Variants in MECR observed in about 807,000 individuals in gnomAD.
The protein encoded by MECR is mitochondrial trans-2-enoyl-CoA reductase, also known as enoyl-[acyl-carrier-protein] reductase, mitochondrial.
In MECR, 37 loss-of-function variants were observed where a neutral mutation model predicts 49.1. That is an observed-to-expected ratio of 0.75 (90% CI 0.58 to 0.99). The LOEUF (loss-of-function observed/expected upper bound fraction) is 0.99, where lower values mean the gene tolerates loss of function less well. Among genes scored for constraint, MECR ranks in the 50% least tolerant of loss-of-function variants. The probability of loss-of-function intolerance (pLI) is 0.00; values close to 1 mark genes in which losing one functional copy is unlikely to be tolerated. For missense variants in MECR, 470 were observed against 479.6 expected (o/e 0.98, Z 0.19); for synonymous variants, 198 against 191.1 (o/e 1.04, Z -0.30).
the MECR span, among the ~76,000 whole-genome samples, chr1:29,185,925 G>A: frequency 5.3e-3 from 805 of 152,250 alleles, 9 homozygotes; most frequent in African/African-American, 0.019. Flanking sequence ...GGTTGAGGCT[G>A]CAGTGATCTG....
At chr1:29,217,428 G>A (rs1230419805) in intron 1 of MECR, among the ~76,000 whole-genome samples, 2 of 151,856 alleles carry the variant, frequency 1.3e-5, no homozygotes, top group African/African-American at 2.4e-5. Context: ...TGTTGGCCAG[G>A]CTGGTCTTGA....
rs1016896527 is a variant in MECR at position 29,211,847 on chromosome 1, G to A, written c.406+4158C>T. 2.6e-5 allele frequency among the ~76,000 whole-genome samples: 4 copies of A among 152,194 alleles called. No homozygotes were observed. The East Asian group carries it at 5.8e-4, about 22-fold the overall frequency. On this transcript the variant is annotated intron_variant, in intron 3 of 9. Coordinates refer to ENST00000263702, the MANE Select transcript of MECR (RefSeq NM_016011.5). The stretch of plus-strand genomic sequence containing the variant: ...TGGTCTCCCCTGGGATTGGCTGCAC[G>A]TGGGAAAAGGCTGGCTATGGGCTTA...
At chr1:29,217,934 G>C (rs1679881644) in intron 1 of MECR, among the ~76,000 whole-genome samples, 1 of 152,190 alleles carries the variant, frequency 6.6e-6, no homozygotes, top group Middle Eastern at 3.2e-3. Context: ...CTGGGTGGAG[G>C]GCTGAAGGTC....
the MECR span, among the ~76,000 whole-genome samples, chr1:29,187,359 T>C: frequency 6.6e-6 from 1 of 150,510 alleles, no homozygotes; most frequent in South Asian, 2.1e-4. Context: ...ACTACAGGCA[T>C]GAGCCACCAT....
chr1:29,182,277 T>G, the MECR span, among the ~76,000 whole-genome samples: 1 of 152,292 alleles, frequency 6.6e-6, no homozygotes, highest in East Asian at 1.9e-4. Context: ...GACCTTGGGC[T>G]TGTTACGCGC....
downstream of MECR, among the ~76,000 whole-genome samples, chr1:29,188,235 G>A (rs1024446532): frequency 6.6e-6 from 1 of 151,574 alleles, no homozygotes; most frequent in African/African-American, 2.4e-5. Flanking sequence ...TGTTGCCCAG[G>A]CTGGAATGCA....
At chr1:29,175,238 C>A in the MECR span, among the ~76,000 whole-genome samples, 1 of 150,372 alleles carries the variant, frequency 6.7e-6, no homozygotes, top group Non-Finnish European at 1.5e-5. Flanking sequence ...CGTGGTGAAA[C>A]CCCGTTTCTA....
intron 3 of MECR, among the ~76,000 whole-genome samples, chr1:29,215,188 G>A (rs1261997410): frequency 1.3e-5 from 2 of 152,246 alleles, no homozygotes; most frequent in East Asian, 3.9e-4. Flanking sequence ...CTCTGCTGAG[G>A]CTACAATGGA....
the MECR span, among the ~76,000 whole-genome samples, chr1:29,182,936 G>A: frequency 2.0e-5 from 3 of 152,230 alleles, no homozygotes; most frequent in African/African-American, 7.2e-5. Context: ...GTATGTGAAA[G>A]TACTTGGAAC....
At position 29,203,004 on chromosome 1, in the gene MECR, T is replaced by C. The variant is rs1237456148; in HGVS notation, c.653+127A>G. The C allele has an allele frequency of 1.5e-5, 10 of 674,360 alleles. No homozygotes were observed. The Admixed American group carries it at 3.1e-4, about 21-fold the overall frequency. The allele number at this position is 674,360 out of a possible 1,614,324, so 41.8% of individuals were successfully genotyped here. ...CTCATCTGTTTCAGCCGCCAACTGT[T>C]AGCGATGCCTAAAGCCAGTTTATGC... On this transcript the variant is annotated intron_variant, in intron 5 of 9. Coordinates refer to ENST00000263702, the MANE Select transcript of MECR (RefSeq NM_016011.5).
At chr1:29,206,655 C>T in intron 4 of MECR, 107 bp downstream of exon 4, 11 of 1,296,018 alleles carry the variant, frequency 8.5e-6, no homozygotes, top group Non-Finnish European at 1.2e-5. Flanking sequence ...GGTCCATCAC[C>T]CCCTCAAAAC....
chr1:29,168,416 A>C, the MECR span: 1 of 152,142 alleles, frequency 6.6e-6, no homozygotes, highest in African/African-American at 2.4e-5. Context: ...GCTTGACTTA[A>C]TGATACTCTA....
At chr1:29,217,127 CAAAAAAAAAAAAAAA>C (rs1195549293) in intron 1 of MECR, among the ~76,000 whole-genome samples, 1 of 47,264 alleles carries the variant, frequency 2.1e-5, no homozygotes, top group African/African-American at 8.7e-5. Context: ...GACTTTGTCT[CAAAAAAAAAAAAAAA>C]AAAAAAAAAA....
the MECR span, among the ~76,000 whole-genome samples, chr1:29,176,429 G>A: frequency 2.0e-5 from 3 of 151,252 alleles, no homozygotes; most frequent in South Asian, 2.1e-4. Flanking sequence ...TTAAGAATAC[G>A]GTAACGATGA....
chr1:29,174,987 TAA>T, the MECR span, among the ~76,000 whole-genome samples: 20 of 134,112 alleles, frequency 1.5e-4, no homozygotes, highest in Admixed American at 2.2e-4. Context: ...GTTTTTTAAT[TAA>T]AAAAAAAAAA....
chr1:29,186,497 C>G, the MECR span, among the ~76,000 whole-genome samples: 3 of 152,224 alleles, frequency 2.0e-5, no homozygotes, highest in African/African-American at 7.2e-5. Context: ...GCTCGCTGGT[C>G]TCAGGGGCCA....
chr1:29,192,500 T>C (rs1193100667), downstream of MECR, among the ~76,000 whole-genome samples: 1 of 152,068 alleles, frequency 6.6e-6, no homozygotes, highest in African/African-American at 2.4e-5. Flanking sequence ...ACTATACTGG[T>C]CAATCTTGCA....
chr1:29,181,508 G>C, the MECR span: 3 of 686,592 alleles, frequency 4.4e-6, no homozygotes, highest in Non-Finnish European at 6.7e-6. Flanking sequence ...CGCCCCCGAG[G>C]CGCCGCCACT....
chr1:29,227,005 C>G (rs1682260812), intron 1 of MECR, among the ~76,000 whole-genome samples: 1 of 131,636 alleles, frequency 7.6e-6, no homozygotes, highest in South Asian at 2.4e-4. Context: ...GTCGCTGAGG[C>G]TGGAGTGCAG....
Sources: allele counts gnomAD v4.1 joint callset (sites outside exome capture counted in the v4.1 genomes callset), GRCh38; gene constraint gnomAD v4.1.1; transcripts MANE v1.5; gene names NCBI Gene and HGNC (gene_info 2026-07-23, HGNC 2026-07-21).